Variants in MPP7 observed in about 807,000 individuals in gnomAD.
MPP7 encodes the protein MAGUK p55 scaffold protein 7.
MPP7 carries 60 observed loss-of-function variants against 76.5 expected under a neutral mutation model. The observed-to-expected ratio is 0.78, with a 90% CI of 0.64 to 0.97. The LOEUF (loss-of-function observed/expected upper bound fraction) is 0.97, where lower values mean the gene tolerates loss of function less well. Among genes scored for constraint, MPP7 ranks in the 50% least tolerant of loss-of-function variants. The pLI is 0.00. For missense variants in MPP7, 641 were observed against 694.0 expected, an observed-to-expected ratio of 0.92 and a Z score of 0.86; for synonymous variants, 237 against 244.5, an observed-to-expected ratio of 0.97 and a Z score of 0.29.
At chr10:28,227,600 A>G (rs11006931) in intron 2 of MPP7, among the ~76,000 whole-genome samples, 26,376 of 152,114 alleles carry the variant, frequency 0.17, 2,590 homozygotes, top group African/African-American at 0.26. Context: ...GTTTGCTGAC[A>G]ATAATGGTTT....
intron 8 of MPP7, among the ~76,000 whole-genome samples, chr10:28,122,587 T>C (rs1487832646): frequency 6.6e-6 from 1 of 152,200 alleles, no homozygotes; most frequent in African/African-American, 2.4e-5. Context: ...TCCAATCTCA[T>C]ATCCTGAAAA....
chr10:28,314,136 G>T (rs904954915), intron 2 of MPP7, among the ~76,000 whole-genome samples: 1 of 152,006 alleles, frequency 6.6e-6, no homozygotes, highest in East Asian at 1.9e-4. Flanking sequence ...TATGCATTAC[G>T]ATACTTCATC....
Position 28,058,548 on chromosome 10 carries a change from C to T in MPP7, c.1354G>A (p.Val452Ile). The change falls in exon 15 of 17, where the codon GTT becomes ATT. Residue 452 changes from valine (V) to isoleucine (I), a missense_variant. Coordinates refer to ENST00000683449, the MANE Select transcript of MPP7 (RefSeq NM_001318170.2). ...NNYYGTSIDS[V>I]RSVLAKNKVC... is the part of the protein sequence containing the mutation. ...TTGTTTTTAGCAAGGACAGACCGAA[C>T]TGAGTCTATACTTGTGCCGTAGTAG... is the stretch of plus-strand genomic sequence containing the variant. 1 of 1,607,246 alleles carries T rather than the reference C, an allele frequency of 6.2e-7. No individual in the cohort carries two copies.
intron 12 of MPP7, among the ~76,000 whole-genome samples, chr10:28,086,122 C>T (rs945566854): frequency 3.3e-5 from 5 of 152,058 alleles, no homozygotes; most frequent in African/African-American, 1.2e-4. Flanking sequence ...GGGAACATCA[C>T]ACATCAGGGC....
chr10:28,271,791 T>C (rs7090735), intron 1 of MPP7, among the ~76,000 whole-genome samples: 22,615 of 152,002 alleles, frequency 0.15, 1,766 homozygotes, highest in South Asian at 0.19. Context: ...TTGGCTAACA[T>C]AGTGAAACCC....
chr10:28,234,616 T>A (rs1171243888), intron 2 of MPP7, among the ~76,000 whole-genome samples: 1 of 152,184 alleles, frequency 6.6e-6, no homozygotes, highest in Non-Finnish European at 1.5e-5. Flanking sequence ...CTCAGTGTGA[T>A]ATGATGACAA....
chr10:28,273,834 T>G (rs1840403743), intron 1 of MPP7, among the ~76,000 whole-genome samples: 1 of 152,134 alleles, frequency 6.6e-6, no homozygotes, highest in African/African-American at 2.4e-5. Context: ...GAATGTTGAT[T>G]AGAAAATACT....
chr10:28,172,054 T>A (rs1269390279), intron 3 of MPP7, among the ~76,000 whole-genome samples: 1 of 152,204 alleles, frequency 6.6e-6, no homozygotes, highest in African/African-American at 2.4e-5. Flanking sequence ...GCTAACGTCT[T>A]TGCAAATCTC....
chr10:28,279,691 C>G (rs558895329), intron 1 of MPP7, among the ~76,000 whole-genome samples: 1 of 149,556 alleles, frequency 6.7e-6, no homozygotes, highest in Non-Finnish European at 1.5e-5. Context: ...GGTGACAGAG[C>G]GAGACGCTGT....
At chr10:28,172,554 G>A (rs1010551449) in intron 3 of MPP7, among the ~76,000 whole-genome samples, 3 of 148,416 alleles carry the variant, frequency 2.0e-5, no homozygotes, top group African/African-American at 5.2e-5. Flanking sequence ...GACAATGAGC[G>A]GCAGCAGAAA....
chr10:28,125,207 A>C (rs1019499217), intron 6 of MPP7, 116 bp from the exon 7 acceptor site: 1 of 838,046 alleles, frequency 1.2e-6, no homozygotes, highest in African/African-American at 1.7e-5. Context: ...AAACGAAAAA[A>C]AAGAAATGAG....
At chr10:28,114,424 AC>A (rs1303058679) in intron 11 of MPP7, among the ~76,000 whole-genome samples, 6 of 150,366 alleles carry the variant, frequency 4.0e-5, no homozygotes, top group Admixed American at 2.6e-4. Context: ...AAAAAGGAAA[AC>A]CTTTTTTTTT....
At chr10:28,168,266 C>T (rs1351897645) in intron 3 of MPP7, among the ~76,000 whole-genome samples, 4 of 151,992 alleles carry the variant, frequency 2.6e-5, no homozygotes, top group Non-Finnish European at 5.9e-5. Flanking sequence ...ATCTACTGGC[C>T]CCTACATGTT....
chr10:28,325,056 C>T (rs1834399204), intron 2 of MPP7, among the ~76,000 whole-genome samples: 1 of 152,106 alleles, frequency 6.6e-6, no homozygotes, highest in African/African-American at 2.4e-5. Flanking sequence ...CTTTACCTGG[C>T]TAATTTTAAT....
chr10:28,069,667 C>T, intron 13 of MPP7, 105 bp downstream of exon 13: 2 of 883,070 alleles, frequency 2.3e-6, no homozygotes, highest in Non-Finnish European at 1.7e-6. Context: ...TACCATGTAC[C>T]CAAAAAATTT....
chr10:28,316,292 C>G (rs1834320145), intron 2 of MPP7, among the ~76,000 whole-genome samples: 1 of 151,796 alleles, frequency 6.6e-6, no homozygotes, highest in Non-Finnish European at 1.5e-5. Flanking sequence ...CAAAAATTAG[C>G]CGGGCATGGT....
At chr10:28,166,451 A>G (rs1836464253) in intron 3 of MPP7, among the ~76,000 whole-genome samples, 1 of 126,120 alleles carries the variant, frequency 7.9e-6, no homozygotes, top group Non-Finnish European at 1.6e-5. Flanking sequence ...CTTGTTGCTC[A>G]GGCTGGAGTG....
At chr10:28,076,548 C>T (rs571840361) in intron 12 of MPP7, among the ~76,000 whole-genome samples, 1 of 152,128 alleles carries the variant, frequency 6.6e-6, no homozygotes, top group African/African-American at 2.4e-5. Flanking sequence ...CGCGCACACA[C>T]ACACACACAC....
intron 5 of MPP7, 62 bp from the exon 6 acceptor site, chr10:28,131,753 A>G (rs1564648602): frequency 1.1e-6 from 1 of 888,734 alleles, no homozygotes; most frequent in Admixed American, 4.7e-5. Flanking sequence ...TATATGTAAT[A>G]TATATAAAAT....
Sources: gnomAD v4.1 joint callset for allele counts (sites outside exome capture counted in the v4.1 genomes callset) on GRCh38, gnomAD v4.1.1 for gene constraint, MANE v1.5 for transcripts, NCBI Gene and HGNC (gene_info 2026-07-23, HGNC 2026-07-21) for gene names.